Variants in UGT1A8 observed in about 807,000 individuals in gnomAD.
UGT1A8 encodes UDP-glucuronosyltransferase 1A8.
Under a neutral mutation model 45.3 loss-of-function variants are expected in UGT1A8, and 39 were observed. That is an observed-to-expected ratio of 0.86 (90% CI 0.67 to 1.12). UGT1A8 has a LOEUF of 1.12. Among genes scored for constraint, UGT1A8 ranks in the 50% most tolerant of loss-of-function variants. UGT1A8 has a pLI of 0.00. For synonymous variants in UGT1A8, 275 were observed against 249.2 expected, an observed-to-expected ratio of 1.10 and a Z score of -0.97; for missense variants, 719 against 664.9, an observed-to-expected ratio of 1.08 and a Z score of -0.90.
intron 1 of UGT1A8, among the ~76,000 whole-genome samples, chr2:233,714,326 A>T (rs1163768805): frequency 6.6e-6 from 1 of 152,128 alleles, no homozygotes. Context: ...ACCACAGGAG[A>T]CCTAAGCACT....
At chr2:233,682,662 A>G (rs1390697140) in intron 1 of UGT1A8, 4 of 1,613,880 alleles carry the variant, frequency 2.5e-6, no homozygotes, top group Admixed American at 1.7e-5. Context: ...GTCACGGCAT[A>G]TGATCTCTAC....
In UGT1A8 at chr2:233,719,228, C is replaced by G. The variant is rs756302430; in HGVS notation, c.856-47806C>G. Reference sequence around the variant, plus strand: ...GTGTGGAGCTACTGCATAATGAGGCCCTGATCAGGCACCTGAATGCTACTT... The same window carrying G: ...GTGTGGAGCTACTGCATAATGAGGCGCTGATCAGGCACCTGAATGCTACTT... On this transcript the variant is annotated intron_variant, in intron 1 of 4. Transcript: ENST00000373450. 3 of 1,614,146 alleles carry G rather than the reference C, an allele frequency of 1.9e-6. No individual in the cohort carries two copies. The Admixed American group carries it at 5.0e-5, about 27-fold the overall frequency.
chr2:233,693,456 C>G, intron 1 of UGT1A8: 1 of 1,614,120 alleles, frequency 6.2e-7, no homozygotes, highest in Non-Finnish European at 8.5e-7. Flanking sequence ...TTCACAGACC[C>G]AGCCTTACCC....
chr2:233,755,370 G>C, intron 1 of UGT1A8: 2 of 359,040 alleles, frequency 5.6e-6, no homozygotes, highest in South Asian at 4.4e-5. Context: ...GCCGCCTGGA[G>C]GGCCGCCCCT....
At chr2:233,768,577 TTCTTC>T in intron 4 of UGT1A8, 138 bp downstream of exon 4, 1 of 1,379,982 alleles carries the variant, frequency 7.2e-7, no homozygotes, top group Non-Finnish European at 9.4e-7. Context: ...GGATTTTTAT[TTCTTC>T]TTTTTTTTTT....
intron 1 of UGT1A8, among the ~76,000 whole-genome samples, chr2:233,741,293 A>G (rs1691617867): frequency 6.6e-6 from 1 of 151,772 alleles, no homozygotes; most frequent in Non-Finnish European, 1.5e-5. Context: ...TATGTACCCA[A>G]TTGTGTAGAT....
intron 1 of UGT1A8, among the ~76,000 whole-genome samples, chr2:233,655,589 G>C (rs894542636): frequency 2.0e-5 from 3 of 152,158 alleles, no homozygotes; most frequent in African/African-American, 7.2e-5. Context: ...CTGTTAGAAA[G>C]AAGGGAAACT....
intron 1 of UGT1A8, among the ~76,000 whole-genome samples, chr2:233,651,715 C>A (rs2073745317): frequency 2.0e-5 from 3 of 152,216 alleles, no homozygotes; most frequent in African/African-American, 7.2e-5. Flanking sequence ...TCTTGCTGGA[C>A]AACAGGAGTC....
intron 1 of UGT1A8, among the ~76,000 whole-genome samples, chr2:233,718,367 A>G (rs896137284): frequency 2.0e-5 from 3 of 152,244 alleles, no homozygotes; most frequent in South Asian, 2.1e-4. Flanking sequence ...TTATTCACAT[A>G]TGAGAAGAAA....
intron 1 of UGT1A8, chr2:233,743,038 A>G (rs968490640): frequency 1.2e-4 from 34 of 283,020 alleles, no homozygotes; most frequent in Non-Finnish European, 2.1e-5. Context: ...CAGAGGTCCT[A>G]TCCGTGTAGT....
intron 1 of UGT1A8, among the ~76,000 whole-genome samples, chr2:233,706,394 A>G (rs2075906140): frequency 6.6e-6 from 1 of 152,228 alleles, no homozygotes; most frequent in Non-Finnish European, 1.5e-5. Context: ...GGCCAAGTAC[A>G]TTTACCACTC....
chr2:233,627,269 A>G (rs973828807), intron 1 of UGT1A8, among the ~76,000 whole-genome samples: 1 of 151,954 alleles, frequency 6.6e-6, no homozygotes, highest in Non-Finnish European at 1.5e-5. Flanking sequence ...TCTTCATGGC[A>G]TCTGGGAACT....
Position 233,618,383 on chromosome 2 carries a change from A to G in UGT1A8, c.676A>G (p.Asn226Asp). ...TTTATTTTGCCAGTATTTTTCCAAAAATGCCCTAGAAATAGCCTCTGAAAT... is the reference window on the plus strand; with the variant it reads ...TTTATTTTGCCAGTATTTTTCCAAAGATGCCCTAGAAATAGCCTCTGAAAT... ...EHLFCQYFSKNALEIASEILQ... is the reference protein window; with the variant it reads ...EHLFCQYFSKDALEIASEILQ... Residue 226 changes from asparagine to aspartate, a missense_variant, in exon 1 of 5, where the codon AAT becomes GAT. By Grantham distance (23) the Asn-to-Asp change is conservative (BLOSUM62 1). Transcript: ENST00000373450. 6.2e-7 allele frequency: 1 copy of G among 1,613,912 alleles called. No individual in the cohort carries two copies. The highest frequency in any genetic ancestry group is 1.3e-5 in the African/African-American group (1 of 75,028).
intron 1 of UGT1A8, among the ~76,000 whole-genome samples, chr2:233,702,779 G>C (rs558414235): frequency 6.6e-6 from 1 of 152,280 alleles, no homozygotes; most frequent in South Asian, 2.1e-4. Flanking sequence ...ATTTGCAGGT[G>C]TAAACGAACC....
At chr2:233,703,771 TA>T (rs1575476815) in intron 1 of UGT1A8, among the ~76,000 whole-genome samples, 2 of 151,768 alleles carry the variant, frequency 1.3e-5, no homozygotes, top group African/African-American at 2.4e-5. Context: ...GCAGACAAGA[TA>T]TTATTAGTCC....
intron 1 of UGT1A8, among the ~76,000 whole-genome samples, chr2:233,655,617 A>T (rs951376860): frequency 6.6e-6 from 1 of 152,166 alleles, no homozygotes; most frequent in Non-Finnish European, 1.5e-5. Context: ...GTGTTTCGCC[A>T]AAAGAGTTTC....
At chr2:233,768,021 G>A (rs1699549230) in intron 3 of UGT1A8, 85 bp downstream of exon 3, 3 of 1,613,440 alleles carry the variant, frequency 1.9e-6, no homozygotes, top group East Asian at 2.2e-5. Flanking sequence ...AAGGATTGTT[G>A]AGCTTGAAAA....
chr2:233,633,122 G>T lies in UGT1A8; in HGVS notation c.855+14560G>T, dbSNP rs146739740. Among the ~76,000 whole-genome samples the T allele has an allele frequency of 5.3e-5, 8 of 152,292 alleles. No individual in the cohort carries two copies. The East Asian group carries it at 1.5e-3, about 29-fold the overall frequency. ...TGTGATGGATTATGTTTATTGATTT[G>T]TGTATGTTGGACCAGCCTTGCATCC... On this transcript the variant is annotated intron_variant, in intron 1 of 4. Coordinates refer to ENST00000373450, the MANE Select transcript of UGT1A8 (RefSeq NM_019076.5).
intron 1 of UGT1A8, chr2:233,713,901 C>T (rs1232618327): frequency 1.9e-6 from 3 of 1,612,940 alleles, no homozygotes; most frequent in East Asian, 2.2e-5. Flanking sequence ...CCAGGCAAAA[C>T]ACTTTTTAAA....
Sources: gnomAD v4.1 joint callset for allele counts (sites outside exome capture counted in the v4.1 genomes callset) on GRCh38, gnomAD v4.1.1 for gene constraint, MANE v1.5 for transcripts, NCBI Gene and HGNC (gene_info 2026-07-23, HGNC 2026-07-21) for gene names.